PSAT1: variants seen among roughly 807,000 people sequenced by gnomAD.
The protein encoded by PSAT1 is phosphoserine aminotransferase.
A neutral mutation model predicts 40.3 loss-of-function variants in PSAT1; 41 were observed. The observed-to-expected ratio is 1.02, with a 90% CI of 0.79 to 1.32. The LOEUF (loss-of-function observed/expected upper bound fraction) is 1.32. Among genes scored for constraint, PSAT1 ranks in the 40% most tolerant of loss-of-function variants. The pLI, the probability that PSAT1 is intolerant of heterozygous loss-of-function variation, is 0.00. For synonymous variants in PSAT1, 147 were observed against 170.5 expected (o/e 0.86, Z 1.07); for missense variants, 406 against 455.8 (o/e 0.89, Z 0.99).
chr9:78,298,146 C>T (rs1199622228), intron 1 of PSAT1, among the ~76,000 whole-genome samples: 2 of 152,120 alleles, frequency 1.3e-5, no homozygotes, highest in African/African-American at 2.4e-5. Context: ...CTTCCCAGGC[C>T]CCAGCCCGGC....
chr9:78,298,078 G>A (rs1029673128), intron 1 of PSAT1, among the ~76,000 whole-genome samples: 2 of 151,928 alleles, frequency 1.3e-5, no homozygotes, highest in African/African-American at 4.8e-5. Context: ...AGTAAACCGA[G>A]TGATTGAATT....
intron 7 of PSAT1, among the ~76,000 whole-genome samples, chr9:78,320,847 G>A (rs1460031261): frequency 2.6e-5 from 4 of 152,092 alleles, no homozygotes; most frequent in South Asian, 2.1e-4. Flanking sequence ...TATAGTGGAC[G>A]GGAGACCAAT....
intron 6 of PSAT1, among the ~76,000 whole-genome samples, chr9:78,314,822 C>G (rs11137602): frequency 0.29 from 43,267 of 151,434 alleles, 6,295 homozygotes; most frequent in East Asian, 0.42. Context: ...TGGATTTAGA[C>G]AAACCAAATC....
intron 1 of PSAT1, 136 bp downstream of exon 1, chr9:78,297,406 A>G: frequency 9.3e-7 from 1 of 1,073,708 alleles, no homozygotes; most frequent in Non-Finnish European, 1.4e-6. Context: ...ATCAGCGTGC[A>G]CAGCGGGATC....
intron 2 of PSAT1, among the ~76,000 whole-genome samples, chr9:78,301,279 TG>T (rs1828103946): frequency 6.6e-6 from 1 of 152,186 alleles, no homozygotes; most frequent in South Asian, 2.1e-4. Context: ...TGCATAACAG[TG>T]CCTCCAAACA....
rs1828261799 is a variant in PSAT1, at chr9:78,311,131, C to T, written c.740+2548C>T. On this transcript the variant is annotated intron_variant, in intron 6 of 8. Coordinates refer to ENST00000376588, the MANE Select transcript of PSAT1 (RefSeq NM_058179.4). Reference sequence around the variant, plus strand: ...GGGCTGAGTCTTACCTCCCACTCGCCTGTCTTACCTCTGGGGAAGCACCAG... The same window carrying T: ...GGGCTGAGTCTTACCTCCCACTCGCTTGTCTTACCTCTGGGGAAGCACCAG... 2.0e-5 allele frequency among the ~76,000 whole-genome samples: 3 copies of T among 152,296 alleles called. No individual in the cohort carries two copies. The South Asian group carries it at 6.2e-4, about 32-fold the overall frequency.
intron 6 of PSAT1, among the ~76,000 whole-genome samples, chr9:78,314,153 G>T (rs1384308597): frequency 6.6e-6 from 1 of 152,158 alleles, no homozygotes; most frequent in Non-Finnish European, 1.5e-5. Flanking sequence ...TAGAGCCCTT[G>T]TGTTTTCAAG....
intron 4 of PSAT1, among the ~76,000 whole-genome samples, chr9:78,305,804 TA>T (rs1828173017): frequency 6.6e-6 from 1 of 152,220 alleles, no homozygotes; most frequent in African/African-American, 2.4e-5. Flanking sequence ...AAGAAACTAC[TA>T]GTCCATCAAT....
chr9:78,307,156 A>G (rs915442656), intron 5 of PSAT1, among the ~76,000 whole-genome samples: 3 of 152,206 alleles, frequency 2.0e-5, no homozygotes, highest in Non-Finnish European at 4.4e-5. Context: ...GAACTTTTAC[A>G]TCTTCTCAGA....
chr9:78,325,880 G>A (rs1828490769), intron 7 of PSAT1, among the ~76,000 whole-genome samples: 1 of 152,182 alleles, frequency 6.6e-6, no homozygotes, highest in Non-Finnish European at 1.5e-5. Context: ...AAATTGCAGG[G>A]AGAGGAACTG....
intron 6 of PSAT1, among the ~76,000 whole-genome samples, chr9:78,315,200 C>T (rs1424847637): frequency 1.3e-5 from 2 of 152,152 alleles, no homozygotes; most frequent in African/African-American, 4.8e-5. Context: ...TGGCTGGAGC[C>T]CTGCAGCCCC....
rs1828550936 is a variant in PSAT1 at position 78,329,535 on chromosome 9, C to T, written c.*449C>T. Reference sequence around the variant, plus strand: ...GCTGTTGATTCAAGGTCAACATTGACCATTGGAGGAGTGGTTTAAGAGTGC... The same window carrying T: ...GCTGTTGATTCAAGGTCAACATTGATCATTGGAGGAGTGGTTTAAGAGTGC... On this transcript the variant is annotated 3_prime_UTR_variant, in exon 9 of 9. Coordinates refer to ENST00000376588, the MANE Select transcript of PSAT1 (RefSeq NM_058179.4). The T allele has an allele frequency of 4.7e-6, 1 of 214,656 alleles. No individual in the cohort carries two copies. The highest frequency in any genetic ancestry group is 9.4e-6 in the Non-Finnish European group (1 of 106,492). The allele number at this position is 214,656 out of a possible 1,614,324, so 13.3% of individuals were successfully genotyped here.
At chr9:78,325,786 G>C (rs759401688) in intron 7 of PSAT1, among the ~76,000 whole-genome samples, 3 of 152,130 alleles carry the variant, frequency 2.0e-5, no homozygotes, top group Non-Finnish European at 4.4e-5. Context: ...ATAAATATTT[G>C]TTGCATGACA....
Position 78,308,575 on chromosome 9 carries a change from A to G in PSAT1, c.732A>G (p.Pro244=), listed in dbSNP as rs1344890698. The G allele has an allele frequency of 5.6e-6, 9 of 1,613,896 alleles. No individual in the cohort carries two copies. The highest frequency in any genetic ancestry group is 7.6e-6 in the Non-Finnish European group (9 of 1,180,030). Residue 244 remains proline (P), a synonymous_variant, in exon 6 of 9, where the codon CCA becomes CCG. Coordinates refer to ENST00000376588, the MANE Select transcript of PSAT1 (RefSeq NM_058179.4). ...AGNSSLYNTP[P]CFSIYVMGLV... is the part of the protein sequence containing the mutation. ...ACAGCTCCTTGTACAACACGCCTCCATGTTTCAGGTAACTCTGGGAGTCAG... is the reference window on the plus strand; with the variant it reads ...ACAGCTCCTTGTACAACACGCCTCCGTGTTTCAGGTAACTCTGGGAGTCAG...
At chr9:78,307,085 C>T (rs1828195326) in intron 5 of PSAT1, among the ~76,000 whole-genome samples, 1 of 152,202 alleles carries the variant, frequency 6.6e-6, no homozygotes, top group East Asian at 1.9e-4. Flanking sequence ...TTTAAATATA[C>T]TGGTCAGTGG....
At chr9:78,310,493 G>C (rs1396238347) in intron 6 of PSAT1, among the ~76,000 whole-genome samples, 1 of 152,184 alleles carries the variant, frequency 6.6e-6, no homozygotes, top group Admixed American at 6.5e-5. Flanking sequence ...GCGTAGGAAA[G>C]AGGGGGCTCA....
At chr9:78,311,046 A>T (rs1217509042) in intron 6 of PSAT1, among the ~76,000 whole-genome samples, 1 of 151,584 alleles carries the variant, frequency 6.6e-6, no homozygotes, top group Non-Finnish European at 1.5e-5. Context: ...TCACCTCTAA[A>T]CCCTACTGTC....
At chr9:78,321,278 T>C (rs1828426080) in intron 7 of PSAT1, among the ~76,000 whole-genome samples, 1 of 152,174 alleles carries the variant, frequency 6.6e-6, no homozygotes, top group South Asian at 2.1e-4. Flanking sequence ...TCCCAGGCAC[T>C]TGGTGTTCTG....
intron 4 of PSAT1, 122 bp downstream of exon 4, chr9:78,305,062 T>C: frequency 3.3e-6 from 3 of 895,642 alleles, no homozygotes; most frequent in South Asian, 1.4e-5. Context: ...ACCATTTAGA[T>C]TGGGTGGCTG....
Sources: allele counts gnomAD v4.1 joint callset (sites outside exome capture counted in the v4.1 genomes callset), GRCh38; gene constraint gnomAD v4.1.1; transcripts MANE v1.5; gene names NCBI Gene and HGNC (gene_info 2026-07-23, HGNC 2026-07-21).